NLRP2: variants seen among roughly 807,000 people sequenced by gnomAD.
The protein encoded by NLRP2 is NLR family pyrin domain containing 2, also known as NACHT, LRR and PYD domains-containing protein 2.
A neutral mutation model predicts 97.2 loss-of-function variants in NLRP2; 107 were observed. That is an observed-to-expected ratio of 1.10 (90% CI 0.94 to 1.29). The LOEUF (loss-of-function observed/expected upper bound fraction) is 1.29. Among genes scored for constraint, NLRP2 ranks in the 50% most tolerant of loss-of-function variants. NLRP2 has a pLI of 0.00. For synonymous variants in NLRP2, 663 were observed against 551.5 expected (o/e 1.20, Z -2.83); for missense variants, 1,495 against 1,330.3 (o/e 1.12, Z -1.93).
At position 55,000,592 on chromosome 19, in the gene NLRP2, T is replaced by TAA. The variant is rs34129339; in HGVS notation, c.3051-151_3051-150dup. ...TCACGCCCCACCTGAGACTGTCTTTTAAAAAAAAAAAAAAAAAATCAATGT... is the reference window on the plus strand; with the variant it reads ...TCACGCCCCACCTGAGACTGTCTTTTAAAAAAAAAAAAAAAAAAAATCAATGT... On this transcript the variant is annotated intron_variant, in intron 12 of 12. Coordinates refer to ENST00000448584, the MANE Select transcript of NLRP2 (RefSeq NM_017852.5). 8.0e-3 allele frequency among the ~76,000 whole-genome samples: 954 copies of TAA among 119,896 alleles called. 8 individuals are homozygous for TAA. Among genetic ancestry groups the TAA allele is most frequent in the African/African-American group, 0.028 (874 of 31,454 alleles). 78.7% of individuals were successfully genotyped at this position (119,896 alleles called of 152,430 possible).
In NLRP2 at chr19:54,975,120, T is replaced by TTTG. The variant is rs1568475001; in HGVS notation, c.325+578_325+579insGTT. Among the ~76,000 whole-genome samples, 7 of 44,368 alleles carry TTTG rather than the reference T, an allele frequency of 1.6e-4. No homozygotes were observed. The East Asian group carries it at 6.9e-3, about 44-fold the overall frequency. 29.1% of individuals were successfully genotyped at this position (44,368 alleles called of 152,430 possible). ...CACCCGGTTTTGTTTTTTTTTTTTTTTTTTTTTTTTTTTTTTTTTTTTTGA... is the reference window on the plus strand; with the variant it reads ...CACCCGGTTTTGTTTTTTTTTTTTTTTTGTTTTTTTTTTTTTTTTTTTTTTTGA... On this transcript the variant is annotated intron_variant, in intron 3 of 12. Transcript: ENST00000448584.
chr19:54,977,550 C>G (rs1159521893), intron 3 of NLRP2, among the ~76,000 whole-genome samples: 1 of 149,376 alleles, frequency 6.7e-6, no homozygotes, highest in Non-Finnish European at 1.5e-5. Flanking sequence ...TTCTGAACTA[C>G]TTAGGAATTC....
intron 1 of NLRP2, among the ~76,000 whole-genome samples, chr19:54,967,656 A>G (rs2070549915): frequency 6.6e-6 from 1 of 151,832 alleles, no homozygotes; most frequent in African/African-American, 2.4e-5. Flanking sequence ...AAAAAAAAAT[A>G]TATTGGAACA....
At chr19:54,999,030 T>G (rs1248323259) in intron 12 of NLRP2, among the ~76,000 whole-genome samples, 1 of 151,222 alleles carries the variant, frequency 6.6e-6, no homozygotes, top group Admixed American at 6.6e-5. Flanking sequence ...CCCCCCCACC[T>G]CCCTCCCGGA....
chr19:54,989,261 A>G (rs1243369540), intron 8 of NLRP2, among the ~76,000 whole-genome samples: 34 of 151,238 alleles, frequency 2.2e-4, no homozygotes, highest in Non-Finnish European at 5.9e-5. Flanking sequence ...GGCCAAAGTT[A>G]GGAGTTTGAG....
In NLRP2 at chr19:54,986,218, G is replaced by A. The variant is rs2146471140; in HGVS notation, c.2269G>A (p.Val757Ile). 6.2e-7 allele frequency: 1 copy of A among 1,612,582 alleles called. No homozygotes were observed. Among genetic ancestry groups the A allele is most frequent in the East Asian group, 2.2e-5 (1 of 44,870 alleles). Reference sequence around the variant, plus strand: ...CCTAGCTCTTCGAGGTCACAAGACTGTAACGTATCTGACCCTTCAAGGCAA... The same window carrying A: ...CCTAGCTCTTCGAGGTCACAAGACTATAACGTATCTGACCCTTCAAGGCAA... ...LCLALRGHKT[V>I]TYLTLQGNDQ... is the part of the protein sequence containing the mutation. Residue 757 changes from valine (V) to isoleucine (I), a missense_variant, in exon 8 of 13, where the codon GTA becomes ATA. Val to Ile is a conservative substitution (Grantham distance 29). Coordinates refer to ENST00000448584, the MANE Select transcript of NLRP2 (RefSeq NM_017852.5).
At position 54,970,275 on chromosome 19, in the gene NLRP2, G is replaced by C. The variant is rs2146337651; in HGVS notation, c.260G>C (p.Arg87Thr). The C allele has an allele frequency of 6.2e-7, 1 of 1,614,178 alleles. No homozygotes were observed. ...EKMHRMDLSERAKDEVREAAL... is the reference protein window; with the variant it reads ...EKMHRMDLSETAKDEVREAAL... Reference sequence around the variant, plus strand: ...ATGCACCGAATGGATCTGTCTGAGAGAGCAAAGGATGAAGTCAGAGGTGAG... The same window carrying C: ...ATGCACCGAATGGATCTGTCTGAGACAGCAAAGGATGAAGTCAGAGGTGAG... The change falls in exon 2 of 13, where the codon AGA becomes ACA. Residue 87 changes from arginine (R) to threonine (T), a missense_variant. Transcript: ENST00000448584.
intron 2 of NLRP2, among the ~76,000 whole-genome samples, chr19:54,972,947 G>C (rs1435231666): frequency 6.6e-6 from 1 of 152,064 alleles, no homozygotes; most frequent in African/African-American, 2.4e-5. Context: ...ACAGCACTTT[G>C]GGAGGCCAAG....
intron 7 of NLRP2, 143 bp from the exon 8 acceptor site, chr19:54,986,005 GAAA>G (rs202015202): frequency 4.7e-6 from 3 of 640,010 alleles, no homozygotes; most frequent in African/African-American, 1.9e-5. Context: ...CCATCTCAAA[GAAA>G]AAAAAAATCT....
chr19:54,990,305 TC>T, intron 9 of NLRP2, 113 bp downstream of exon 9: 4 of 1,232,744 alleles, frequency 3.2e-6, no homozygotes, highest in South Asian at 1.2e-5. Context: ...GAACACCTGT[TC>T]CCATGTTTAG....
At chr19:54,998,352 CAAG>C (rs1274050042) in intron 12 of NLRP2, among the ~76,000 whole-genome samples, 1 of 151,938 alleles carries the variant, frequency 6.6e-6, no homozygotes, top group African/African-American at 2.4e-5. Context: ...ATCAAAGAAC[CAAG>C]AAGCCCCTTC....
rs2071278959 is a variant in NLRP2 at position 54,976,951 on chromosome 19, A to G, written c.326-801A>G. On this transcript the variant is annotated intron_variant, in intron 3 of 12. Transcript: ENST00000448584. ...TGCCTCAGCCTCGCAAGTAGCTGGG[A>G]CTTACAGGTAACACACCACCATGCC... 6 of 375,778 alleles carry G rather than the reference A, an allele frequency of 1.6e-5. 1 individual carries two copies. The highest frequency in any genetic ancestry group is 3.1e-5 in the Non-Finnish European group (6 of 195,584). The allele number at this position is 375,778 out of a possible 1,614,324, so 23.3% of individuals were successfully genotyped here. A position where few individuals can be genotyped will look rare whatever the true frequency, so the allele number is the denominator to read the frequency against.
In NLRP2 at chr19:54,999,541, C is replaced by T. The variant is rs140624893; in HGVS notation, c.3051-1219C>T. On this transcript the variant is annotated intron_variant, in intron 12 of 12. Transcript: ENST00000448584. The stretch of plus-strand genomic sequence containing the variant: ...GGGTAAGCAGGTATTAGAGCTATAG[C>T]CCAGCTGTACTCAGCAATTCCATTT... 1.8e-3 allele frequency among the ~76,000 whole-genome samples: 267 copies of T among 152,228 alleles called. 1 individual carries two copies. The highest frequency in any genetic ancestry group is 6.1e-3 in the African/African-American group (253 of 41,546).
chr19:54,975,731 C>T (rs1441788491), intron 3 of NLRP2, among the ~76,000 whole-genome samples: 2 of 151,840 alleles, frequency 1.3e-5, no homozygotes, highest in Admixed American at 6.6e-5. Flanking sequence ...GGATTACAGG[C>T]GTGAGCCACC....
Position 54,983,278 on chromosome 19 carries a change from G to T in NLRP2, c.1580G>T (p.Gly527Val). Residue 527 changes from glycine (G) to valine (V), a missense_variant, in exon 6 of 13, where the codon GGC becomes GTC. Transcript: ENST00000448584. ...LEKEEEEDRD[G>V]HTWDIGDVQK... ...AAGGAGGAGGAAGAGGATAGGGACGGCCACACCTGGGACATTGGGGACGTA... is the reference window on the plus strand; with the variant it reads ...AAGGAGGAGGAAGAGGATAGGGACGTCCACACCTGGGACATTGGGGACGTA... 3.1e-6 allele frequency: 5 copies of T among 1,614,102 alleles called. No homozygotes were observed. Among genetic ancestry groups the T allele is most frequent in the Non-Finnish European group, 4.2e-6 (5 of 1,179,982 alleles).
At chr19:54,968,441 C>T (rs564797003) in intron 1 of NLRP2, among the ~76,000 whole-genome samples, 28 of 151,840 alleles carry the variant, frequency 1.8e-4, no homozygotes, top group South Asian at 1.7e-3. Flanking sequence ...CCTCCCACCT[C>T]AGCCTCCTCA....
rs113201390 is a variant in NLRP2, at chr19:54,974,596, G to C, written c.325+52G>C. 726 of 1,272,966 alleles carry C rather than the reference G, an allele frequency of 5.7e-4. 1 individual carries two copies. In the African/African-American group the frequency reaches 9.0e-3, roughly 16 times the overall value. 78.9% of individuals were successfully genotyped at this position (1,272,966 alleles called of 1,614,324 possible). A position where few individuals can be genotyped will look rare whatever the true frequency, so the allele number is the denominator to read the frequency against. The stretch of plus-strand genomic sequence containing the variant: ...TTCTTCATGTGAGATCTGGGGACTC[G>C]GGCCTTTGTTTTAAGGAGAATGTGC... On this transcript the variant is annotated intron_variant, in intron 3 of 12. Transcript: ENST00000448584.
At chr19:54,969,112 G>A (rs1250766371) in intron 1 of NLRP2, among the ~76,000 whole-genome samples, 2 of 151,994 alleles carry the variant, frequency 1.3e-5, no homozygotes, top group Non-Finnish European at 2.9e-5. Flanking sequence ...TTTCATTGTT[G>A]TGTTACTACT....
chr19:54,989,109 C>T (rs1276728415), intron 8 of NLRP2, among the ~76,000 whole-genome samples: 6 of 151,844 alleles, frequency 4.0e-5, no homozygotes, highest in Non-Finnish European at 2.9e-5. Flanking sequence ...AGGCACGTGT[C>T]GCCACGCCCA....
Sources: allele counts gnomAD v4.1 joint callset (sites outside exome capture counted in the v4.1 genomes callset), GRCh38; gene constraint gnomAD v4.1.1; transcripts MANE v1.5; gene names NCBI Gene and HGNC (gene_info 2026-07-23, HGNC 2026-07-21).